Variants in ACYP2 observed in about 807,000 individuals in gnomAD.
ACYP2 encodes the protein acylphosphatase-2.
Under a neutral mutation model 11.2 loss-of-function variants are expected in ACYP2, and 12 were observed. That is an observed-to-expected ratio of 1.08 (90% CI 0.69 to 1.74). ACYP2 has a LOEUF of 1.74. Ranked by LOEUF, ACYP2 falls within the 40% of genes most tolerant of loss-of-function variation. The pLI, the probability that ACYP2 is intolerant of heterozygous loss-of-function variation, is 0.00. For missense variants in ACYP2, 134 were observed against 101.9 expected, an observed-to-expected ratio of 1.31 and a Z score of -1.35; for synonymous variants, 43 against 32.2, an observed-to-expected ratio of 1.33 and a Z score of -1.13.
At chr2:54,154,758 G>C (rs1249259271) in intron 6 of ACYP2, among the ~76,000 whole-genome samples, 1 of 152,104 alleles carries the variant, frequency 6.6e-6, no homozygotes, top group Non-Finnish European at 1.5e-5. Context: ...TTCTTGTCTG[G>C]CTTTGGTATC....
intron 2 of ACYP2, among the ~76,000 whole-genome samples, chr2:53,982,450 C>T (rs1051954947): frequency 1.3e-5 from 2 of 152,142 alleles, no homozygotes; most frequent in Non-Finnish European, 2.9e-5. Context: ...AGATGAATGA[C>T]ACAGTACCTG....
intron 6 of ACYP2, among the ~76,000 whole-genome samples, chr2:54,272,385 A>G (rs1282419819): frequency 6.6e-6 from 1 of 152,104 alleles, no homozygotes; most frequent in African/African-American, 2.4e-5. Context: ...CTAGGGAGGG[A>G]TCTCAGAGCT....
At chr2:54,252,520 ATC>A (rs1196736610) in intron 6 of ACYP2, among the ~76,000 whole-genome samples, 2 of 152,022 alleles carry the variant, frequency 1.3e-5, no homozygotes, top group African/African-American at 4.8e-5. Flanking sequence ...GCCTTTTGGT[ATC>A]TCTGTTATTT....
intron 2 of ACYP2, among the ~76,000 whole-genome samples, chr2:53,982,884 G>A (rs1671842958): frequency 6.9e-6 from 1 of 145,250 alleles, no homozygotes; most frequent in African/African-American, 2.6e-5. Flanking sequence ...GATATAAATA[G>A]GTTCAGGGAG....
At chr2:54,042,856 A>G (rs1333773945) in intron 2 of ACYP2, among the ~76,000 whole-genome samples, 1 of 152,246 alleles carries the variant, frequency 6.6e-6, no homozygotes, top group Non-Finnish European at 1.5e-5. Context: ...AGAACCAAGA[A>G]GCAACGTGGA....
chr2:54,238,074 C>T (rs1189827504), intron 6 of ACYP2, among the ~76,000 whole-genome samples: 1 of 152,194 alleles, frequency 6.6e-6, no homozygotes, highest in Admixed American at 6.5e-5. Flanking sequence ...CATTCCCTTA[C>T]ATGATTCAGG....
intron 6 of ACYP2, among the ~76,000 whole-genome samples, chr2:54,139,228 T>C (rs1322322275): frequency 6.6e-6 from 1 of 152,000 alleles, no homozygotes; most frequent in East Asian, 1.9e-4. Context: ...ATTTGAAGTG[T>C]TGTGACAGAT....
rs952501911 is a variant in ACYP2 at position 54,155,624 on chromosome 2, G to A, written c.404+16876G>A. Among the ~76,000 whole-genome samples the A allele has an allele frequency of 2.6e-5, 4 of 152,270 alleles. No individual in the cohort carries two copies. The South Asian group carries it at 8.3e-4, about 32-fold the overall frequency. On this transcript the variant is annotated intron_variant, in intron 6 of 6. Transcript: ENST00000607452. Reference sequence around the variant, plus strand: ...AACTAATGCCTGATGATCTGAGGTGGAACAGTTTCATCCTGAAACCCTACC... The same window carrying A: ...AACTAATGCCTGATGATCTGAGGTGAAACAGTTTCATCCTGAAACCCTACC...
chr2:54,198,039 AAGACAGTTTCACTT>A (rs1553390337), intron 6 of ACYP2, among the ~76,000 whole-genome samples: 2 of 148,176 alleles, frequency 1.3e-5, no homozygotes, highest in South Asian at 2.1e-4. Context: ...ATTGTATTTT[AAGACAGTTTCACTT>A]TTGTCACCCA....
intron 6 of ACYP2, among the ~76,000 whole-genome samples, chr2:54,276,162 C>G (rs1573035434): frequency 6.7e-6 from 1 of 149,782 alleles, no homozygotes; most frequent in Non-Finnish European, 1.5e-5. Flanking sequence ...GTTTTTATCC[C>G]AAAATACAAC....
chr2:54,171,888 C>G (rs890236866), intron 6 of ACYP2, among the ~76,000 whole-genome samples: 1 of 152,034 alleles, frequency 6.6e-6, no homozygotes, highest in Non-Finnish European at 1.5e-5. Context: ...CGTTTTCTTT[C>G]CCTGTACTAA....
At chr2:53,985,335 G>A (rs1332943584) in intron 2 of ACYP2, among the ~76,000 whole-genome samples, 4 of 152,062 alleles carry the variant, frequency 2.6e-5, no homozygotes, top group Non-Finnish European at 4.4e-5. Flanking sequence ...CCAAAGTGCT[G>A]GGATTACAGG....
rs548479879 is a variant in ACYP2, at chr2:54,071,746, C to T, written c.277+14386C>T. Among the ~76,000 whole-genome samples, 3 of 152,274 alleles carry T rather than the reference C, an allele frequency of 2.0e-5. No homozygotes were observed. In the South Asian group the frequency reaches 6.2e-4, roughly 32 times the overall value. Reference sequence around the variant, plus strand: ...TGACGTTAGGCCGGGTGTGGTGGCTCATGCCTGTAATCCCAGCACTTTGGT... The same window carrying T: ...TGACGTTAGGCCGGGTGTGGTGGCTTATGCCTGTAATCCCAGCACTTTGGT... On this transcript the variant is annotated intron_variant, in intron 4 of 6. Coordinates refer to ENST00000607452, the MANE Select transcript of ACYP2 (RefSeq NM_001320586.2).
chr2:54,105,702 C>T (rs529738331), intron 4 of ACYP2, among the ~76,000 whole-genome samples: 21 of 151,968 alleles, frequency 1.4e-4, no homozygotes, highest in Admixed American at 1.1e-3. Flanking sequence ...CCATGTTGCC[C>T]GGGCTGGTCT....
intron 5 of ACYP2, among the ~76,000 whole-genome samples, chr2:54,138,358 C>A (rs918677148): frequency 6.6e-6 from 1 of 152,140 alleles, no homozygotes; most frequent in African/African-American, 2.4e-5. Flanking sequence ...AAAAACACAT[C>A]ATAGGAACTG....
At chr2:54,080,371 G>A (rs1558514197) in intron 4 of ACYP2, 2 of 152,066 alleles carry the variant, frequency 1.3e-5, no homozygotes, top group South Asian at 2.1e-4. Context: ...TTTTTGGGAT[G>A]CAGTTTCTTT....
At chr2:54,006,433 C>T (rs910404067) in intron 2 of ACYP2, among the ~76,000 whole-genome samples, 1 of 152,072 alleles carries the variant, frequency 6.6e-6, no homozygotes, top group African/African-American at 2.4e-5. Context: ...AGGCATGAGC[C>T]ACCGCGCCCG....
intron 2 of ACYP2, among the ~76,000 whole-genome samples, chr2:53,974,235 T>C (rs903763208): frequency 6.6e-6 from 1 of 152,016 alleles, no homozygotes; most frequent in Non-Finnish European, 1.5e-5. Context: ...TATTTAAATA[T>C]GGATGAAAAG....
chr2:54,036,389 C>T (rs1169928708), intron 2 of ACYP2, among the ~76,000 whole-genome samples: 1 of 152,230 alleles, frequency 6.6e-6, no homozygotes, highest in African/African-American at 2.4e-5. Context: ...CCACCGCACC[C>T]AGCCCAAAGT....
Sources: allele counts gnomAD v4.1 joint callset (sites outside exome capture counted in the v4.1 genomes callset), GRCh38; gene constraint gnomAD v4.1.1; transcripts MANE v1.5; gene names NCBI Gene and HGNC (gene_info 2026-07-23, HGNC 2026-07-21).